Variants in ATF7IP observed in about 807,000 individuals in gnomAD.
ATF7IP encodes activating transcription factor 7 interacting protein.
A neutral mutation model predicts 106.4 loss-of-function variants in ATF7IP; 23 were observed. That is an observed-to-expected ratio of 0.22 (90% confidence interval 0.16 to 0.31). The LOEUF (loss-of-function observed/expected upper bound fraction) is 0.31, where lower values mean the gene tolerates loss of function less well. ATF7IP is among the 10% of genes least tolerant of loss of function. ATF7IP has a pLI of 1.00. For synonymous variants in ATF7IP, 542 were observed against 539.0 expected (o/e 1.01, Z -0.08); for missense variants, 1,334 against 1,524.3 (o/e 0.88, Z 2.08).
At chr12:14,448,113 A>G (rs1490528070) in intron 6 of ATF7IP, among the ~76,000 whole-genome samples, 1 of 151,922 alleles carries the variant, frequency 6.6e-6, no homozygotes, top group Non-Finnish European at 1.5e-5. Flanking sequence ...CTTCATCTTG[A>G]TAGTTCCATT....
In ATF7IP at chr12:14,502,814, GTGTT is replaced by G. The variant is rs1945195703; in HGVS notation, c.*4743_*4746del. 1 of 152,086 alleles carries G rather than the reference GTGTT, an allele frequency of 6.6e-6. No individual in the cohort carries two copies. The highest frequency in any genetic ancestry group is 1.5e-5 in the Non-Finnish European group (1 of 68,018). The allele number at this position is 152,086 out of a possible 1,614,324, so 9.4% of individuals were successfully genotyped here. ...TGTGTGTGTGTGTGCGTGCGTGTGT[GTGTT>G]TTTCTTTTTTAAATGTATAGTAGAG... On this transcript the variant is annotated 3_prime_UTR_variant, in exon 15 of 15. Coordinates refer to ENST00000261168, the MANE Select transcript of ATF7IP (RefSeq NM_018179.5).
chr12:14,483,788 A>G lies in ATF7IP; in HGVS notation c.3280+2603A>G, dbSNP rs536545399. ...GGTTGGGGTTGTAATTGTGACTTCA[A>G]AAGGCCATTCCTTTTGAATGCTTCA... On this transcript the variant is annotated intron_variant, in intron 13 of 14. Coordinates refer to ENST00000261168, the MANE Select transcript of ATF7IP (RefSeq NM_018179.5). Among the ~76,000 whole-genome samples the G allele has an allele frequency of 2.0e-5, 3 of 152,206 alleles. No individual in the cohort carries two copies. In the East Asian group the frequency reaches 5.8e-4, roughly 30 times the overall value.
chr12:14,467,152 C>T (rs1943864885), intron 10 of ATF7IP, among the ~76,000 whole-genome samples: 1 of 152,042 alleles, frequency 6.6e-6, no homozygotes, highest in African/African-American at 2.4e-5. Flanking sequence ...AGTGTTCTTC[C>T]TTGTTCTTTA....
intron 13 of ATF7IP, among the ~76,000 whole-genome samples, chr12:14,492,305 A>C (rs1042291730): frequency 6.6e-6 from 1 of 152,174 alleles, no homozygotes; most frequent in South Asian, 2.1e-4. Context: ...GCTCAGAACC[A>C]GTGTCCAGTA....
chr12:14,380,730 C>T (rs1178730414), intron 1 of ATF7IP, among the ~76,000 whole-genome samples: 1 of 152,220 alleles, frequency 6.6e-6, no homozygotes, highest in Non-Finnish European at 1.5e-5. Context: ...AGGGATTCTC[C>T]TGTCTCAGCC....
intron 2 of ATF7IP, among the ~76,000 whole-genome samples, chr12:14,430,427 G>A (rs774675704): frequency 1.7e-4 from 26 of 152,134 alleles, no homozygotes; most frequent in Non-Finnish European, 2.4e-4. Flanking sequence ...GACTTTCCCC[G>A]CTAGGTTTTG....
intron 13 of ATF7IP, among the ~76,000 whole-genome samples, chr12:14,496,030 G>A (rs1213038660): frequency 1.3e-5 from 2 of 152,000 alleles, no homozygotes; most frequent in Non-Finnish European, 2.9e-5. Flanking sequence ...TTTTTTTTTA[G>A]TGCTTGCATG....
At chr12:14,494,311 A>ATATG (rs1944929972) in intron 13 of ATF7IP, among the ~76,000 whole-genome samples, 1 of 95,510 alleles carries the variant, frequency 1.0e-5, no homozygotes, top group East Asian at 2.8e-4. Context: ...ATATATATAT[A>ATATG]TATATATATA....
chr12:14,496,411 A>G (rs1264599110), intron 14 of ATF7IP, 68 bp downstream of exon 14: 3 of 1,052,478 alleles, frequency 2.9e-6, no homozygotes, highest in African/African-American at 3.2e-5. Context: ...TGTATTTGGC[A>G]TTTTTCTTTA....
At chr12:14,444,466 T>TA (rs1324054345) in intron 5 of ATF7IP, among the ~76,000 whole-genome samples, 1 of 152,142 alleles carries the variant, frequency 6.6e-6, no homozygotes, top group African/African-American at 2.4e-5. Flanking sequence ...GTTTCCCAAA[T>TA]AAAACCCAAT....
intron 9 of ATF7IP, among the ~76,000 whole-genome samples, chr12:14,462,429 T>A (rs1943678096): frequency 6.6e-6 from 1 of 152,044 alleles, no homozygotes; most frequent in Non-Finnish European, 1.5e-5. Flanking sequence ...TGGACATTGT[T>A]TTATGTGATT....
At chr12:14,430,741 G>A (rs1288865167) in intron 2 of ATF7IP, among the ~76,000 whole-genome samples, 3 of 152,080 alleles carry the variant, frequency 2.0e-5, no homozygotes, top group African/African-American at 4.8e-5. Flanking sequence ...TCAGTGAATG[G>A]GGTAGACTGG....
intron 13 of ATF7IP, among the ~76,000 whole-genome samples, chr12:14,484,858 T>C (rs1944547682): frequency 6.6e-6 from 1 of 152,210 alleles, no homozygotes. Context: ...ACCCGCTTTA[T>C]GGCTAAATGG....
intron 13 of ATF7IP, among the ~76,000 whole-genome samples, chr12:14,482,862 T>C (rs888020628): frequency 6.6e-6 from 1 of 152,186 alleles, no homozygotes; most frequent in African/African-American, 2.4e-5. Flanking sequence ...CCTAACATAA[T>C]ACAACTATCC....
chr12:14,378,151 G>A lies in ATF7IP; in HGVS notation c.-8+12324G>A, dbSNP rs570819343. On this transcript the variant is annotated intron_variant, in intron 1 of 14. Transcript: ENST00000261168. ...CTTGCTCTGTCGCCCAGGCTGGAGT[G>A]CGGTGGCATGATCTTGGCTCACTGC... is the stretch of plus-strand genomic sequence containing the variant. 7.6e-5 allele frequency among the ~76,000 whole-genome samples: 11 copies of A among 144,972 alleles called. No individual in the cohort carries two copies. In the East Asian group the frequency reaches 2.2e-3, roughly 29 times the overall value.
At chr12:14,389,017 CAG>C (rs949166246) in intron 1 of ATF7IP, among the ~76,000 whole-genome samples, 2 of 152,158 alleles carry the variant, frequency 1.3e-5, no homozygotes, top group African/African-American at 4.8e-5. Context: ...AGCATATGCT[CAG>C]AATCAATTTA....
At position 14,392,723 on chromosome 12, in the gene ATF7IP, A is replaced by C. The variant is rs534146109; in HGVS notation, c.-8+26896A>C. Among the ~76,000 whole-genome samples the C allele has an allele frequency of 2.6e-5, 4 of 152,292 alleles. No individual in the cohort carries two copies. The East Asian group carries it at 7.7e-4, about 29-fold the overall frequency. On this transcript the variant is annotated intron_variant, in intron 1 of 14. Transcript: ENST00000261168. Reference sequence around the variant, plus strand: ...TAAGAGCTAGATGAGCACTACACAAAATGTGGCCTGTGATCAGTCTGAGAA... The same window carrying C: ...TAAGAGCTAGATGAGCACTACACAACATGTGGCCTGTGATCAGTCTGAGAA...
At chr12:14,395,509 A>G (rs1939788958) in intron 1 of ATF7IP, among the ~76,000 whole-genome samples, 1 of 152,188 alleles carries the variant, frequency 6.6e-6, no homozygotes, top group Non-Finnish European at 1.5e-5. Flanking sequence ...ATATATGAAT[A>G]TTACTCATGC....
intron 6 of ATF7IP, among the ~76,000 whole-genome samples, chr12:14,455,149 C>T (rs897948474): frequency 1.3e-5 from 2 of 148,498 alleles, no homozygotes; most frequent in Admixed American, 6.7e-5. Context: ...CAGGATGGTG[C>T]ACTCCAGCCT....
Sources: gnomAD v4.1 joint callset for allele counts (sites outside exome capture counted in the v4.1 genomes callset) on GRCh38, gnomAD v4.1.1 for gene constraint, MANE v1.5 for transcripts, NCBI Gene and HGNC (gene_info 2026-07-23, HGNC 2026-07-21) for gene names.